Variants in FHOD3 observed in about 807,000 individuals in gnomAD.
The protein encoded by FHOD3 is formin homology 2 domain containing 3.
In FHOD3, 90 loss-of-function variants were observed where a neutral mutation model predicts 173.0. The ratio of observed to expected loss-of-function variants is 0.52; its 90% CI spans 0.44 to 0.62. The LOEUF is 0.62. Ranked by LOEUF, FHOD3 falls within the 20% of genes least tolerant of loss-of-function variation. The pLI is 0.00. For synonymous variants in FHOD3, 828 were observed against 823.0 expected (o/e 1.01, Z -0.10); for missense variants, 1,945 against 2,034.7 (o/e 0.96, Z 0.85).
intron 3 of FHOD3, among the ~76,000 whole-genome samples, chr18:36,403,963 G>A (rs2048941634): frequency 6.6e-6 from 1 of 152,234 alleles, no homozygotes; most frequent in South Asian, 2.1e-4. Context: ...GCCTTGCTCT[G>A]TGTGAAGGCT....
intron 22 of FHOD3, 36 bp downstream of exon 22, chr18:36,742,892 C>G: frequency 6.3e-7 from 1 of 1,593,000 alleles, no homozygotes. Flanking sequence ...GTAGCCCCCC[C>G]TTGTCACAAA....
At chr18:36,463,707 G>C (rs2052732666) in intron 3 of FHOD3, among the ~76,000 whole-genome samples, 2 of 151,998 alleles carry the variant, frequency 1.3e-5, no homozygotes, top group African/African-American at 2.4e-5. Context: ...TGTTGCCCAG[G>C]CTGTTCTCGA....
chr18:36,491,273 A>G (rs2054456545), intron 3 of FHOD3, among the ~76,000 whole-genome samples: 1 of 152,156 alleles, frequency 6.6e-6, no homozygotes, highest in Non-Finnish European at 1.5e-5. Context: ...GGGAAAGAGT[A>G]GTTTAAATTT....
chr18:36,528,257 G>C (rs887887137), intron 5 of FHOD3, among the ~76,000 whole-genome samples: 18 of 152,174 alleles, frequency 1.2e-4, no homozygotes, highest in African/African-American at 4.3e-4. Flanking sequence ...ATAAGATCTT[G>C]AGCATAGCCA....
At chr18:36,357,402 C>T (rs577110359) in intron 2 of FHOD3, among the ~76,000 whole-genome samples, 1 of 152,294 alleles carries the variant, frequency 6.6e-6, no homozygotes, top group South Asian at 2.1e-4. Context: ...AGGTGAATGG[C>T]GCATTGCCAG....
chr18:36,435,159 G>T (rs1201071984), intron 3 of FHOD3, among the ~76,000 whole-genome samples: 11 of 150,926 alleles, frequency 7.3e-5, no homozygotes, highest in Non-Finnish European at 4.4e-5. Context: ...GCAGTAGTGG[G>T]TTGTAAACTA....
At chr18:36,534,487 ATTATTTTATTATTTTATT>A (rs1176403750) in intron 5 of FHOD3, among the ~76,000 whole-genome samples, 1 of 151,168 alleles carries the variant, frequency 6.6e-6, no homozygotes, top group Non-Finnish European at 1.5e-5. Flanking sequence ...TTTATTTTTT[ATTATTTTATTATTTTATT>A]TTATTTTATT....
intron 18 of FHOD3, among the ~76,000 whole-genome samples, chr18:36,716,832 T>C (rs1016989844): frequency 2.0e-5 from 3 of 151,874 alleles, no homozygotes; most frequent in African/African-American, 4.8e-5. Context: ...ATGAGAAAAG[T>C]TAAAGTTAGG....
chr18:36,464,478 G>A (rs544122403), intron 3 of FHOD3, among the ~76,000 whole-genome samples: 1 of 152,316 alleles, frequency 6.6e-6, no homozygotes, highest in Admixed American at 6.5e-5. Flanking sequence ...CACCCAGGAG[G>A]CTCAGGCCAG....
At chr18:36,609,474 A>T (rs895610385) in intron 8 of FHOD3, among the ~76,000 whole-genome samples, 1 of 152,190 alleles carries the variant, frequency 6.6e-6, no homozygotes, top group Non-Finnish European at 1.5e-5. Flanking sequence ...CGCAGCCTGC[A>T]TAAAAGGTGA....
rs7241607 is a variant in FHOD3, at chr18:36,572,732, G to A, written c.512-3719G>A. On this transcript the variant is annotated intron_variant, in intron 5 of 28. Coordinates refer to ENST00000590592, the MANE Select transcript of FHOD3 (RefSeq NM_001281740.3). Reference sequence around the variant, plus strand: ...CAGTACCAGAGGCCCTGAGCTCTTGGGGGGAGGCCTTCAGTCCCAGCTTCT... The same window carrying A: ...CAGTACCAGAGGCCCTGAGCTCTTGAGGGGAGGCCTTCAGTCCCAGCTTCT... Among the ~76,000 whole-genome samples, 784 of 152,236 alleles carry A rather than the reference G, an allele frequency of 5.1e-3. 5 individuals carry two copies. The highest frequency in any genetic ancestry group is 0.018 in the African/African-American group (765 of 41,532).
chr18:36,450,604 C>A (rs2051791873), intron 3 of FHOD3, among the ~76,000 whole-genome samples: 1 of 151,984 alleles, frequency 6.6e-6, no homozygotes, highest in African/African-American at 2.4e-5. Flanking sequence ...CCAGCCTGGG[C>A]AACATGGTGA....
chr18:36,718,364 T>TCA lies in FHOD3; in HGVS notation c.3067_3068insAC (p.Pro1023HisfsTer46). ...GTCACAGGGAGGCCCCTGGGCCACCTCCCCCACCCCCACCCACCTTTCTGG... is the reference window on the plus strand; with the variant it reads ...GTCACAGGGAGGCCCCTGGGCCACCTCACCCCCACCCCCACCCACCTTTCTGG... On this transcript the variant is annotated frameshift_variant, in exon 19 of 29. Transcript: ENST00000590592. LOFTEE classifies it high-confidence loss of function. The TCA allele has an allele frequency of 2.3e-6, 3 of 1,312,966 alleles. No individual in the cohort carries two copies. The highest frequency in any genetic ancestry group is 1.3e-5 in the South Asian group (1 of 79,506). 81.3% of individuals were successfully genotyped at this position (1,312,966 alleles called of 1,614,324 possible).
chr18:36,665,099 G>T (rs1343628879), intron 14 of FHOD3, among the ~76,000 whole-genome samples: 2 of 152,174 alleles, frequency 1.3e-5, no homozygotes, highest in East Asian at 1.9e-4. Flanking sequence ...TCTCAAAAAA[G>T]AAAATGTATA....
At chr18:36,350,385 G>A (rs995060226) in intron 1 of FHOD3, among the ~76,000 whole-genome samples, 3 of 152,150 alleles carry the variant, frequency 2.0e-5, no homozygotes, top group East Asian at 1.9e-4. Flanking sequence ...CTGTTGCACC[G>A]CTGTCACTGC....
At chr18:36,696,405 G>A (rs2039283068) in intron 17 of FHOD3, among the ~76,000 whole-genome samples, 2 of 152,200 alleles carry the variant, frequency 1.3e-5, no homozygotes, top group South Asian at 4.1e-4. Context: ...CAGGAGTACA[G>A]GTCCCTTTAT....
chr18:36,510,660 C>G (rs541778409), intron 4 of FHOD3, among the ~76,000 whole-genome samples: 1 of 152,304 alleles, frequency 6.6e-6, no homozygotes, highest in African/African-American at 2.4e-5. Context: ...TAGACATGAG[C>G]TCATCTAAAT....
intron 3 of FHOD3, among the ~76,000 whole-genome samples, chr18:36,416,598 G>C: frequency 6.6e-6 from 1 of 152,126 alleles, no homozygotes; most frequent in East Asian, 1.9e-4. Flanking sequence ...TTTGATTTGT[G>C]AGGTTGTGCC....
At chr18:36,766,506 G>A (rs2150344453) in intron 27 of FHOD3, among the ~76,000 whole-genome samples, 1 of 152,310 alleles carries the variant, frequency 6.6e-6, no homozygotes, top group South Asian at 2.1e-4. Context: ...TGTAAAATGT[G>A]TGTGCAGTAT....
Sources: gnomAD v4.1 joint callset for allele counts (sites outside exome capture counted in the v4.1 genomes callset) on GRCh38, gnomAD v4.1.1 for gene constraint, MANE v1.5 for transcripts, NCBI Gene and HGNC (gene_info 2026-07-23, HGNC 2026-07-21) for gene names.